Variants in CYRIA observed in about 807,000 individuals in gnomAD.
CYRIA encodes CYFIP related Rac1 interactor A.
A neutral mutation model predicts 43.9 loss-of-function variants in CYRIA; 15 were observed. The observed-to-expected ratio is 0.34, with a 90% confidence interval of 0.23 to 0.53. CYRIA has a LOEUF of 0.53. Ranked by LOEUF, CYRIA falls within the 20% of genes least tolerant of loss-of-function variation. The pLI is 0.94. For synonymous variants in CYRIA, 117 were observed against 136.0 expected, an observed-to-expected ratio of 0.86 and a Z score of 0.97; for missense variants, 236 against 394.2, an observed-to-expected ratio of 0.60 and a Z score of 3.40.
intron 2 of CYRIA, among the ~76,000 whole-genome samples, chr2:16,606,074 C>T (rs1638696853): frequency 6.6e-6 from 1 of 152,132 alleles, no homozygotes; most frequent in Non-Finnish European, 1.5e-5. Flanking sequence ...TGACTCTCAA[C>T]CTCTGGCTCT....
At chr2:16,638,185 C>A (rs1003092468) in intron 1 of CYRIA, among the ~76,000 whole-genome samples, 1 of 152,192 alleles carries the variant, frequency 6.6e-6, no homozygotes, top group Non-Finnish European at 1.5e-5. Flanking sequence ...CTCACTGGAG[C>A]CCACCCTGCA....
chr2:16,569,918 A>C (rs556775126), intron 3 of CYRIA, among the ~76,000 whole-genome samples: 1 of 152,302 alleles, frequency 6.6e-6, no homozygotes, highest in South Asian at 2.1e-4. Context: ...TTTGCTGAAC[A>C]AACAGTTGAA....
At chr2:16,561,400 G>A (rs1437103502) in intron 7 of CYRIA, 56 bp downstream of exon 7, 22 of 1,548,346 alleles carry the variant, frequency 1.4e-5, no homozygotes, top group Admixed American at 1.7e-5. Flanking sequence ...GCCTGATGCA[G>A]AAATCAAAAG....
At chr2:16,632,648 G>A (rs1411044892) in intron 1 of CYRIA, among the ~76,000 whole-genome samples, 1 of 152,152 alleles carries the variant, frequency 6.6e-6, no homozygotes, top group Admixed American at 6.5e-5. Flanking sequence ...AGGCACGGGG[G>A]AAAATGAAAA....
intron 2 of CYRIA, among the ~76,000 whole-genome samples, chr2:16,598,608 T>C (rs1668090656): frequency 2.1e-5 from 1 of 48,176 alleles, no homozygotes; most frequent in Middle Eastern, 8.3e-3. Flanking sequence ...CTTCTCTGTA[T>C]TGGTTATTCT....
At chr2:16,626,290 G>A (rs1449412275) in intron 1 of CYRIA, among the ~76,000 whole-genome samples, 2 of 152,098 alleles carry the variant, frequency 1.3e-5, no homozygotes, top group African/African-American at 2.4e-5. Flanking sequence ...TACTGGCTAC[G>A]CATCTAAGAA....
chr2:16,648,735 T>C (rs1669888140), intron 1 of CYRIA, among the ~76,000 whole-genome samples: 1 of 152,186 alleles, frequency 6.6e-6, no homozygotes, highest in Non-Finnish European at 1.5e-5. Flanking sequence ...GAACAACTAG[T>C]ATGTACTGAA....
intron 2 of CYRIA, among the ~76,000 whole-genome samples, chr2:16,590,950 T>C (rs1667910397): frequency 6.6e-6 from 1 of 152,110 alleles, no homozygotes; most frequent in African/African-American, 2.4e-5. Flanking sequence ...TGGTCCATCA[T>C]CACACAGATG....
intron 2 of CYRIA, among the ~76,000 whole-genome samples, chr2:16,598,520 G>A (rs1197202305): frequency 7.1e-4 from 17 of 23,898 alleles, no homozygotes; most frequent in Non-Finnish European, 6.9e-4. Flanking sequence ...CCAGTTGATC[G>A]CATCGGCTCC....
chr2:16,604,528 T>C (rs1262091459), intron 2 of CYRIA, among the ~76,000 whole-genome samples: 2 of 152,250 alleles, frequency 1.3e-5, no homozygotes, highest in Non-Finnish European at 2.9e-5. Context: ...TTACAACATG[T>C]ACACCATCTG....
intron 3 of CYRIA, among the ~76,000 whole-genome samples, chr2:16,587,172 G>T (rs1037566477): frequency 6.6e-6 from 1 of 152,002 alleles, no homozygotes; most frequent in African/African-American, 2.4e-5. Context: ...AAAGAATAAA[G>T]GAAATGACTA....
intron 1 of CYRIA, among the ~76,000 whole-genome samples, chr2:16,639,549 T>A (rs1220255065): frequency 6.6e-6 from 1 of 152,252 alleles, no homozygotes; most frequent in East Asian, 1.9e-4. Context: ...TGTGGGGCAG[T>A]CTGTGGAGGA....
intron 2 of CYRIA, among the ~76,000 whole-genome samples, chr2:16,610,343 C>T (rs909576330): frequency 6.6e-6 from 1 of 152,162 alleles, no homozygotes; most frequent in Non-Finnish European, 1.5e-5. Context: ...GTTATTTTGT[C>T]GAATACTCCT....
At chr2:16,591,767 C>T (rs1450797749) in intron 2 of CYRIA, among the ~76,000 whole-genome samples, 1 of 152,082 alleles carries the variant, frequency 6.6e-6, no homozygotes, top group Non-Finnish European at 1.5e-5. Context: ...ATCCAGCAGG[C>T]ACTCTGAGCT....
intron 1 of CYRIA, among the ~76,000 whole-genome samples, chr2:16,652,334 G>T (rs570368132): frequency 2.4e-4 from 36 of 152,260 alleles, no homozygotes; most frequent in African/African-American, 8.4e-4. Context: ...TTGTCCTGAG[G>T]AGCAGGATTC....
At chr2:16,557,759 AG>A (rs1190013208) in intron 10 of CYRIA, among the ~76,000 whole-genome samples, 4 of 152,158 alleles carry the variant, frequency 2.6e-5, no homozygotes, top group Non-Finnish European at 5.9e-5. Flanking sequence ...TATAAAGCCA[AG>A]CTTTTTAAAG....
chr2:16,661,992 A>T (rs778366441), intron 1 of CYRIA, among the ~76,000 whole-genome samples: 1 of 152,250 alleles, frequency 6.6e-6, no homozygotes, highest in Non-Finnish European at 1.5e-5. Flanking sequence ...AATACGAGGC[A>T]TTCATTTTAA....
At chr2:16,657,122 G>A (rs183029775) in intron 1 of CYRIA, among the ~76,000 whole-genome samples, 16 of 152,316 alleles carry the variant, frequency 1.1e-4, no homozygotes, top group Admixed American at 2.0e-4. Context: ...AAAGGAAGAA[G>A]TCATTTACTT....
chr2:16,581,675 G>C (rs748160186), intron 3 of CYRIA, among the ~76,000 whole-genome samples: 17 of 151,948 alleles, frequency 1.1e-4, no homozygotes, highest in Non-Finnish European at 2.1e-4. Flanking sequence ...AAGTTACATA[G>C]AACTACTCTA....
Sources: gnomAD v4.1 joint callset for allele counts (sites outside exome capture counted in the v4.1 genomes callset) on GRCh38, gnomAD v4.1.1 for gene constraint, MANE v1.5 for transcripts, NCBI Gene and HGNC (gene_info 2026-07-23, HGNC 2026-07-21) for gene names.